Variants in ZNF71 observed in about 807,000 individuals in gnomAD.
ZNF71 encodes zinc finger protein 71.
ZNF71 carries 3 observed loss-of-function variants against 6.7 expected under a neutral mutation model. That is an observed-to-expected ratio of 0.45 (90% CI 0.20 to 1.16). ZNF71 has a LOEUF of 1.16. ZNF71 is among the 50% of genes most tolerant of loss of function. The probability of loss-of-function intolerance (pLI) is 0.25; values close to 1 mark genes in which losing one functional copy is unlikely to be tolerated. For synonymous variants in ZNF71, 343 were observed against 311.1 expected (o/e 1.10, Z -1.08); for missense variants, 688 against 728.6 (o/e 0.94, Z 0.64).
intron 3 of ZNF71, among the ~76,000 whole-genome samples, chr19:56,617,418 G>A (rs2044804704): frequency 6.6e-6 from 1 of 152,172 alleles, no homozygotes; most frequent in Non-Finnish European, 1.5e-5. Context: ...CTGTTTTGGT[G>A]TTTGATGTTT....
Position 56,621,553 on chromosome 19 carries a change from T to C in ZNF71, c.446T>C (p.Val149Ala), listed in dbSNP as rs1363237346. ...TTTGCCAACCAAGGCTGTGTCCTGGTCCCACCACGGCTGGACGACCCCACA... is the reference window on the plus strand; with the variant it reads ...TTTGCCAACCAAGGCTGTGTCCTGGCCCCACCACGGCTGGACGACCCCACA... ...KAFANQGCVL[V>A]PPRLDDPTEK... Residue 149 changes from valine to alanine, a missense_variant, in exon 4 of 4, where the codon GTC (valine) becomes GCC (alanine). Val to Ala is a moderately conservative substitution (Grantham distance 64). Coordinates refer to ENST00000599599, the MANE Select transcript of ZNF71 (RefSeq NM_001370215.1). The C allele has an allele frequency of 1.9e-6, 3 of 1,614,142 alleles. No individual in the cohort carries two copies. The highest frequency in any genetic ancestry group is 2.5e-6 in the Non-Finnish European group (3 of 1,180,032).
intron 3 of ZNF71, among the ~76,000 whole-genome samples, chr19:56,615,558 GT>G (rs60056272): frequency 1.6e-3 from 222 of 141,060 alleles, no homozygotes; most frequent in Middle Eastern, 3.8e-3. Context: ...GTCTTTTCCT[GT>G]TTTTTTTTTT....
chr19:56,602,179 C>T (rs1456086044), intron 2 of ZNF71, among the ~76,000 whole-genome samples: 1 of 152,142 alleles, frequency 6.6e-6, no homozygotes, highest in Non-Finnish European at 1.5e-5. Context: ...TGTTCAGTGG[C>T]CATACCCTGG....
intron 1 of ZNF71, among the ~76,000 whole-genome samples, chr19:56,599,418 A>G (rs949064915): frequency 2.0e-5 from 3 of 152,170 alleles, no homozygotes; most frequent in Admixed American, 2.0e-4. Flanking sequence ...TTGCTGTAAG[A>G]AGGGAAACAA....
At chr19:56,615,547 A>C (rs897133930) in intron 3 of ZNF71, among the ~76,000 whole-genome samples, 3 of 124,012 alleles carry the variant, frequency 2.4e-5, no homozygotes, top group African/African-American at 9.8e-5. Flanking sequence ...TATCTGTTCA[A>C]GTCTTTTCCT....
chr19:56,599,664 TACAA>T (rs1346279562), intron 1 of ZNF71, among the ~76,000 whole-genome samples: 1 of 151,998 alleles, frequency 6.6e-6, no homozygotes, highest in Non-Finnish European at 1.5e-5. Flanking sequence ...TCCTTTGTGT[TACAA>T]ACAATCTGAT....
chr19:56,596,197 A>G (rs1474460932), intron 1 of ZNF71, among the ~76,000 whole-genome samples: 1 of 151,010 alleles, frequency 6.6e-6, no homozygotes, highest in Non-Finnish European at 1.5e-5. Flanking sequence ...TGCTCTTTCC[A>G]TGCATGTCTC....
intron 1 of ZNF71, among the ~76,000 whole-genome samples, chr19:56,600,794 A>G (rs867075511): frequency 1.3e-4 from 20 of 152,072 alleles, no homozygotes; most frequent in African/African-American, 4.8e-4. Context: ...ATATCTCTCC[A>G]CTTGAGACTT....
intron 3 of ZNF71, among the ~76,000 whole-genome samples, chr19:56,614,677 A>T (rs2044777065): frequency 6.6e-6 from 1 of 152,210 alleles, no homozygotes; most frequent in African/African-American, 2.4e-5. Context: ...TAAAACACTC[A>T]CTTTTGTAAT....
At position 56,622,576 on chromosome 19, in the gene ZNF71, G is replaced by A; in HGVS notation, c.1469G>A (p.Arg490Gln). The change falls in exon 4 of 4, where the codon CGG becomes CAG. Residue 490 changes from arginine (R) to glutamine (Q), a missense_variant. Coordinates refer to ENST00000599599, the MANE Select transcript of ZNF71 (RefSeq NM_001370215.1). Reference sequence around the variant, plus strand: ...AGCGCCTACCTCATCGAGCACCAGCGGATCCACACCGGCGAGAAGCCGTAC... The same window carrying A: ...AGCGCCTACCTCATCGAGCACCAGCAGATCCACACCGGCGAGAAGCCGTAC... ...SQSAYLIEHQRIHTGEKPYRC... is the reference protein window; with the variant it reads ...SQSAYLIEHQQIHTGEKPYRC... The A allele has an allele frequency of 6.2e-7, 1 of 1,613,646 alleles. No homozygotes were observed. The highest frequency in any genetic ancestry group is 1.1e-5 in the South Asian group (1 of 91,048).
At position 56,618,424 on chromosome 19, in the gene ZNF71, G is replaced by A. The variant is rs2044814691; in HGVS notation, c.161-2844G>A. Among the ~76,000 whole-genome samples the A allele has an allele frequency of 6.6e-6, 1 of 152,206 alleles. No homozygotes were observed. The highest frequency in any genetic ancestry group is 2.1e-4 in the South Asian group (1 of 4,834). On this transcript the variant is annotated intron_variant, in intron 3 of 3. Transcript: ENST00000599599. This position sits in a 1 kb window ranked among gnomAD's most constrained non-coding sequence, Gnocchi z 4.6. ...CCAGTGCTCCATACTCGCTTATCTG[G>A]TACCTTCTGTGTGCAGGCTGTGTGA...
At chr19:56,595,853 TTG>T (rs60371305) in intron 1 of ZNF71, among the ~76,000 whole-genome samples, 14,102 of 137,368 alleles carry the variant, frequency 0.1, 686 homozygotes, top group Non-Finnish European at 0.12. Flanking sequence ...GTGTGTGTGT[TTG>T]TGTGTGTGTG....
At chr19:56,619,072 C>T (rs1280993793) in intron 3 of ZNF71, among the ~76,000 whole-genome samples, 8 of 152,002 alleles carry the variant, frequency 5.3e-5, no homozygotes, top group Non-Finnish European at 1.2e-4. Flanking sequence ...GCAGTCAGGA[C>T]GGTGGGAGGG....
rs192358207 is a variant in ZNF71 at position 56,619,871 on chromosome 19, A to C, written c.161-1397A>C. ...TGGACAGCAACTTTTAAATGCTGGG[A>C]ATGAGTCCCCTGATGCAGAGTCTAG... On this transcript the variant is annotated intron_variant, in intron 3 of 3. Transcript: ENST00000599599. 3.9e-5 allele frequency among the ~76,000 whole-genome samples: 6 copies of C among 152,276 alleles called. No homozygotes were observed. The East Asian group carries it at 1.2e-3, about 29-fold the overall frequency.
rs576662605 is a variant in ZNF71, at chr19:56,618,247, G to A, written c.161-3021G>A. On this transcript the variant is annotated intron_variant, in intron 3 of 3. Transcript: ENST00000599599. This position sits in a 1 kb window ranked among gnomAD's most constrained non-coding sequence, Gnocchi z 4.6. ...TGTGCCTCAGGTGTATTGTGCCCTC[G>A]AGTACATCTCTGACTCCATTCTTGT... Among the ~76,000 whole-genome samples the A allele has an allele frequency of 1.1e-4, 16 of 152,318 alleles. No homozygotes were observed. The highest frequency in any genetic ancestry group is 3.4e-3 in the Middle Eastern group (1 of 294).
chr19:56,620,195 C>T (rs905003531), intron 3 of ZNF71, among the ~76,000 whole-genome samples: 4 of 152,170 alleles, frequency 2.6e-5, no homozygotes, highest in East Asian at 1.9e-4. Context: ...AGGGCTGGGG[C>T]CAGCCAGGGC....
chr19:56,613,685 A>C lies in ZNF71; in HGVS notation c.34-127A>C. On this transcript the variant is annotated intron_variant, in intron 2 of 3. Transcript: ENST00000599599. The surrounding 1 kb of genome is among the most constrained non-coding windows in gnomAD (Gnocchi z 4.6). Reference sequence around the variant, plus strand: ...GTGAGTGATCCCTTTAGAACTCTGCATCTTATTGAAATCACTTCAGCTACA... The same window carrying C: ...GTGAGTGATCCCTTTAGAACTCTGCCTCTTATTGAAATCACTTCAGCTACA... The C allele has an allele frequency of 2.6e-6, 2 of 766,296 alleles. No homozygotes were observed. Among genetic ancestry groups the C allele is most frequent in the Non-Finnish European group, 3.2e-6 (2 of 620,516 alleles). The allele number at this position is 766,296 out of a possible 1,614,324, so 47.5% of individuals were successfully genotyped here. A position where few individuals can be genotyped will look rare whatever the true frequency, so the allele number is the denominator to read the frequency against.
chr19:56,623,083 C>T lies in ZNF71; in HGVS notation c.*326C>T. On this transcript the variant is annotated 3_prime_UTR_variant, in exon 4 of 4. Transcript: ENST00000599599. ...CTAGAGCTGGGACAGGTCACGCCTG[C>T]CTCCACATCTCTGTTTCTTCAGCGG... The T allele has an allele frequency of 3.1e-6, 1 of 326,296 alleles. No homozygotes were observed. Among genetic ancestry groups the T allele is most frequent in the South Asian group, 8.4e-5 (1 of 11,880 alleles). The allele number at this position is 326,296 out of a possible 1,614,324, so 20.2% of individuals were successfully genotyped here. A position where few individuals can be genotyped will look rare whatever the true frequency, so the allele number is the denominator to read the frequency against.
chr19:56,595,713 G>A (rs1371611370), intron 1 of ZNF71, among the ~76,000 whole-genome samples: 1 of 152,114 alleles, frequency 6.6e-6, no homozygotes, highest in East Asian at 1.9e-4. Context: ...ATATCATCCT[G>A]AGGATGAGGC....
Sources: gnomAD v4.1 joint callset for allele counts (sites outside exome capture counted in the v4.1 genomes callset) on GRCh38, gnomAD v4.1.1 for gene constraint, Gnocchi (gnomAD v3.1) non-coding constraint, MANE v1.5 for transcripts, NCBI Gene and HGNC (gene_info 2026-07-23, HGNC 2026-07-21) for gene names.